TANC2: variants seen among roughly 807,000 people sequenced by gnomAD.
TANC2 encodes the protein tetratricopeptide repeat, ankyrin repeat and coiled-coil containing 2.
In TANC2, 26 loss-of-function variants were observed where a neutral mutation model predicts 210.5. That is an observed-to-expected ratio of 0.12 (90% confidence interval 0.09 to 0.17). TANC2 has a LOEUF of 0.17. Among genes scored for constraint, TANC2 ranks in the 10% least tolerant of loss-of-function variants. The probability of loss-of-function intolerance (pLI) is 1.00; values close to 1 mark genes in which losing one functional copy is unlikely to be tolerated. For synonymous variants in TANC2, 931 were observed against 967.1 expected (o/e 0.96, Z 0.69); for missense variants, 2,129 against 2,608.9 (o/e 0.82, Z 4.01).
intron 9 of TANC2, among the ~76,000 whole-genome samples, chr17:63,295,410 C>G (rs2044504960): frequency 6.6e-6 from 1 of 152,126 alleles, no homozygotes; most frequent in South Asian, 2.1e-4. Flanking sequence ...AAACTGAGGC[C>G]TTTGAGTCTG....
intron 7 of TANC2, among the ~76,000 whole-genome samples, chr17:63,235,169 A>G (rs1000733212): frequency 6.6e-6 from 1 of 152,072 alleles, no homozygotes; most frequent in Non-Finnish European, 1.5e-5. Flanking sequence ...TCCTTTGGAA[A>G]GATTTTCTGA....
At chr17:63,129,970 C>A (rs989569121) in intron 4 of TANC2, among the ~76,000 whole-genome samples, 2 of 151,952 alleles carry the variant, frequency 1.3e-5, no homozygotes, top group East Asian at 3.9e-4. Flanking sequence ...CACGTAAGAA[C>A]AACTATGAGC....
At chr17:63,330,921 C>CA (rs1448235432) in intron 11 of TANC2, among the ~76,000 whole-genome samples, 1 of 152,130 alleles carries the variant, frequency 6.6e-6, no homozygotes, top group African/African-American at 2.4e-5. Flanking sequence ...ACTAAAAATA[C>CA]AAAAATTAGC....
rs535965002 is a variant in TANC2 at position 63,097,466 on chromosome 17, C to G, written c.140-1709C>G. Among the ~76,000 whole-genome samples the G allele has an allele frequency of 2.4e-4, 37 of 151,892 alleles. No individual in the cohort carries two copies. The South Asian group carries it at 7.7e-3, about 32-fold the overall frequency. ...TTAGTTTTGCACCAACCTAATAAAT[C>G]AGGGGTGTCCAATCTTTTGGCTTCC... On this transcript the variant is annotated intron_variant, in intron 3 of 27. Transcript: ENST00000689528.
intron 12 of TANC2, among the ~76,000 whole-genome samples, chr17:63,341,911 T>G (rs2046241723): frequency 6.6e-6 from 1 of 152,220 alleles, no homozygotes; most frequent in Non-Finnish European, 1.5e-5. Context: ...ACTGTTATCC[T>G]TAGGAACCCT....
At chr17:63,264,431 T>C (rs1418486515) in intron 8 of TANC2, among the ~76,000 whole-genome samples, 2 of 152,172 alleles carry the variant, frequency 1.3e-5, no homozygotes, top group Non-Finnish European at 1.5e-5. Flanking sequence ...AGATAACCAG[T>C]AGCTCCCTTC....
chr17:63,026,520 A>G (rs969247902), intron 2 of TANC2, among the ~76,000 whole-genome samples: 2 of 152,292 alleles, frequency 1.3e-5, no homozygotes, highest in Middle Eastern at 3.4e-3. Context: ...AGACTATATA[A>G]GATTTGTTTA....
exon 7 of TANC2, chr17:63,200,778 C>T: frequency 6.2e-7 from 1 of 1,612,028 alleles, no homozygotes; most frequent in Non-Finnish European, 8.5e-7. Context: ...CAGACCTCAG[C>T]AATCACCCAG....
At chr17:63,007,899 C>G (rs1193752313) in intron 1 of TANC2, among the ~76,000 whole-genome samples, 1 of 150,198 alleles carries the variant, frequency 6.7e-6, no homozygotes, top group Non-Finnish European at 1.5e-5. Context: ...GAAGAACTCC[C>G]TTTTAGTAAT....
At chr17:62,973,258 C>G (rs2031812307) in intron 1 of TANC2, among the ~76,000 whole-genome samples, 1 of 152,142 alleles carries the variant, frequency 6.6e-6, no homozygotes, top group Non-Finnish European at 1.5e-5. Flanking sequence ...TCTTGAACTT[C>G]TGACCTCGAA....
chr17:63,371,327 G>A (rs796705093), intron 14 of TANC2, among the ~76,000 whole-genome samples: 21 of 152,190 alleles, frequency 1.4e-4, no homozygotes, highest in Middle Eastern at 6.8e-3. Context: ...TGAGCCAGGC[G>A]TGGTGGCGTG....
intron 2 of TANC2, among the ~76,000 whole-genome samples, chr17:63,034,961 G>A (rs1260661204): frequency 6.6e-6 from 1 of 150,952 alleles, no homozygotes; most frequent in Non-Finnish European, 1.5e-5. Flanking sequence ...TGATAAAACA[G>A]TGCCAGGGTT....
At chr17:63,204,062 A>G (rs1312260819) in intron 7 of TANC2, among the ~76,000 whole-genome samples, 1 of 147,420 alleles carries the variant, frequency 6.8e-6, no homozygotes, top group African/African-American at 2.5e-5. Context: ...GTGTATCCCT[A>G]ACTTACATAA....
intron 14 of TANC2, among the ~76,000 whole-genome samples, chr17:63,376,278 CAA>C (rs773965665): frequency 5.0e-5 from 6 of 120,786 alleles, no homozygotes; most frequent in Admixed American, 8.3e-5. Flanking sequence ...CTAAAAAATA[CAA>C]AAAAAAAAAA....
At chr17:63,230,769 G>T (rs1008293483) in intron 7 of TANC2, among the ~76,000 whole-genome samples, 1 of 152,162 alleles carries the variant, frequency 6.6e-6, no homozygotes, top group Non-Finnish European at 1.5e-5. Context: ...GAGTTCTGTA[G>T]CTATCTATCA....
At chr17:63,124,219 C>T (rs2038614178) in intron 4 of TANC2, among the ~76,000 whole-genome samples, 1 of 151,854 alleles carries the variant, frequency 6.6e-6, no homozygotes, top group Admixed American at 6.6e-5. Flanking sequence ...TTAGACCTCT[C>T]TCTAACTTCA....
chr17:63,292,497 G>A (rs2044412362), intron 9 of TANC2, among the ~76,000 whole-genome samples: 1 of 152,178 alleles, frequency 6.6e-6, no homozygotes, highest in African/African-American at 2.4e-5. Flanking sequence ...AACAATTAGA[G>A]CAGAATATTT....
intron 2 of TANC2, among the ~76,000 whole-genome samples, chr17:63,024,114 A>G (rs1237104085): frequency 2.0e-5 from 3 of 152,188 alleles, no homozygotes; most frequent in Admixed American, 6.5e-5. Flanking sequence ...AGTTTAATAG[A>G]ACTGTTACCA....
chr17:63,230,766 G>A (rs2145999574), intron 7 of TANC2, among the ~76,000 whole-genome samples: 1 of 152,312 alleles, frequency 6.6e-6, no homozygotes, highest in East Asian at 1.9e-4. Context: ...GGAGAGTTCT[G>A]TAGCTATCTA....
Sources: gnomAD v4.1 joint callset for allele counts (sites outside exome capture counted in the v4.1 genomes callset) on GRCh38, gnomAD v4.1.1 for gene constraint, MANE v1.5 for transcripts, NCBI Gene and HGNC (gene_info 2026-07-23, HGNC 2026-07-21) for gene names.